Variants in XG observed in about 807,000 individuals in gnomAD.
XG encodes glycoprotein Xg.
A neutral mutation model predicts 25.7 loss-of-function variants in XG; 24 were observed. The ratio of observed to expected loss-of-function variants is 0.93; its 90% CI spans 0.68 to 1.31. The LOEUF is 1.31. XG is among the 40% of genes most tolerant of loss of function. XG has a pLI of 0.00. For synonymous variants in XG, 77 were observed against 69.2 expected, an observed-to-expected ratio of 1.11 and a Z score of -0.56; for missense variants, 181 against 187.6, an observed-to-expected ratio of 0.96 and a Z score of 0.21.
intron 1 of XG, among the ~76,000 whole-genome samples, chrX:2,762,113 A>T (rs1169095469): frequency 1.3e-5 from 2 of 152,154 alleles, no homozygotes; most frequent in African/African-American, 4.8e-5. Flanking sequence ...TTTATAACAC[A>T]CCGTCAACCA....
intron 3 of XG, 98 bp downstream of exon 3, chrX:2,774,837 A>G: frequency 6.9e-7 from 1 of 1,459,760 alleles, no homozygotes; most frequent in Non-Finnish European, 9.6e-7. Context: ...TGTGGGGTAT[A>G]TGAAAGAGAT....
At chrX:2,766,590 A>C in intron 1 of XG, among the ~76,000 whole-genome samples, 2 of 111,620 alleles carry the variant, frequency 1.8e-5, no homozygotes, top group African/African-American at 3.6e-5. Context: ...TTCAAGACAG[A>C]TTCTTGCTCT....
intron 7 of XG, among the ~76,000 whole-genome samples, chrX:2,806,347 T>A (rs577685628): frequency 2.1e-3 from 235 of 111,826 alleles, no homozygotes; most frequent in Middle Eastern, 4.6e-3. Context: ...CTCTTTTTTT[T>A]TAAAATTTTA....
chrX:2,772,262 G>A (rs1319513773), intron 2 of XG, among the ~76,000 whole-genome samples: 3 of 152,098 alleles, frequency 2.0e-5, no homozygotes, highest in Non-Finnish European at 4.4e-5. Context: ...AGTTATTTGT[G>A]TACCCATGTT....
At position 2,795,671 on chromosome X, in the gene XG, T is replaced by A. The variant is rs311178; in HGVS notation, c.322+1068T>A. On this transcript the variant is annotated intron_variant, in intron 6 of 10. Transcript: ENST00000644266. The stretch of plus-strand genomic sequence containing the variant: ...ACATATCTTTTGTATTTATTTATTT[T>A]TTTTTGAGACGGAGTCTCGCTCTGT... Among the ~76,000 whole-genome samples, 1,056 of 110,803 alleles carry A rather than the reference T, an allele frequency of 9.5e-3. 15 individuals are homozygous for A. The highest frequency in any genetic ancestry group is 0.033 in the African/African-American group (996 of 30,646).
intron 3 of XG, among the ~76,000 whole-genome samples, chrX:2,776,370 T>C (rs140456776): frequency 0.012 from 1,783 of 151,750 alleles, 4 homozygotes; most frequent in African/African-American, 0.041. Flanking sequence ...TTAAGACTAT[T>C]ACAAGGTGAT....
At chrX:2,760,458 G>A (rs1185787968) in intron 1 of XG, among the ~76,000 whole-genome samples, 4 of 151,492 alleles carry the variant, frequency 2.6e-5, no homozygotes, top group Non-Finnish European at 5.9e-5. Flanking sequence ...GATTCAGGCT[G>A]GGTGCGGTGG....
At chrX:2,797,010 C>T in intron 6 of XG, among the ~76,000 whole-genome samples, 1 of 112,011 alleles carries the variant, frequency 8.9e-6, no homozygotes, top group Middle Eastern at 4.6e-3. Context: ...AGTTTCTCGG[C>T]AGGAAGCGGG....
intron 9 of XG, among the ~76,000 whole-genome samples, chrX:2,810,407 T>A (rs2087043323): frequency 9.0e-6 from 1 of 110,721 alleles, no homozygotes; most frequent in Non-Finnish European, 1.9e-5. Flanking sequence ...TGTGCTTGGG[T>A]CTAGAGTTCC....
intron 4 of XG, among the ~76,000 whole-genome samples, chrX:2,784,426 T>C (rs1259778443): frequency 9.1e-6 from 1 of 109,987 alleles, no homozygotes; most frequent in Admixed American, 9.8e-5. Flanking sequence ...CTACTAAAAA[T>C]ACAAAAATTA....
At chrX:2,809,765 A>T (rs1250545643) in intron 9 of XG, among the ~76,000 whole-genome samples, 1 of 111,439 alleles carries the variant, frequency 9.0e-6, no homozygotes, top group African/African-American at 3.3e-5. Context: ...GGGTCTTCTT[A>T]TGTATCTGGG....
At chrX:2,813,007 G>A (rs775667795) in intron 10 of XG, among the ~76,000 whole-genome samples, 1 of 112,005 alleles carries the variant, frequency 8.9e-6, no homozygotes, top group South Asian at 3.8e-4. Context: ...TTGGAATGGG[G>A]GCCAGTTGAG....
In XG at chrX:2,814,647, G is replaced by C. The variant is rs779457734; in HGVS notation, c.*267G>C. The C allele has an allele frequency of 5.6e-5, 18 of 323,482 alleles. No homozygotes were observed. The highest frequency in any genetic ancestry group is 8.4e-5 in the Non-Finnish European group (16 of 189,453). The allele number at this position is 323,482 out of a possible 1,213,427, so 26.7% of individuals were successfully genotyped here. A position where few individuals can be genotyped will look rare whatever the true frequency, so the allele number is the denominator to read the frequency against. ...GTTTGGCTATTCATTTGCACAAAGA[G>C]ACTGTGGCTCTCTGTTGTGAGATCT... On this transcript the variant is annotated 3_prime_UTR_variant, in exon 11 of 11. Transcript: ENST00000644266.
chrX:2,765,039 TCCAAAAA>T (rs2050646023), intron 1 of XG, among the ~76,000 whole-genome samples: 5 of 23,904 alleles, frequency 2.1e-4, no homozygotes, highest in South Asian at 2.8e-3. Context: ...AGATTCTTTA[TCCAAAAA>T]AAAAAAAAAA....
chrX:2,797,326 C>G lies in XG; in HGVS notation c.339C>G (p.Gly113=), dbSNP rs768016709. Residue 113 remains glycine, a synonymous_variant, in exon 7 of 11, where the codon GGC becomes GGG. Transcript: ENST00000644266. ...PRPPAGGGGG[G]YSSYGNSDNT... is the part of the protein sequence containing the mutation. Reference sequence around the variant, plus strand: ...GTCTAACAGGAGGTGGCGGCGGTGGCTACTCCAGTTATGGCAACTCCGACA... The same window carrying G: ...GTCTAACAGGAGGTGGCGGCGGTGGGTACTCCAGTTATGGCAACTCCGACA... 36 of 1,207,173 alleles carry G rather than the reference C, an allele frequency of 3.0e-5. No homozygotes were observed. Among genetic ancestry groups the G allele is most frequent in the Non-Finnish European group, 3.7e-5 (33 of 893,996 alleles).
chrX:2,798,065 A>G (rs1476418719), intron 7 of XG, among the ~76,000 whole-genome samples: 1 of 111,193 alleles, frequency 9.0e-6, no homozygotes, highest in East Asian at 2.8e-4. Flanking sequence ...AAAGAAAAGA[A>G]AAGAAAAGAA....
At chrX:2,780,144 C>T (rs1049409572) in intron 3 of XG, among the ~76,000 whole-genome samples, 5 of 151,208 alleles carry the variant, frequency 3.3e-5, no homozygotes, top group Non-Finnish European at 7.4e-5. Flanking sequence ...AGAGCACAAA[C>T]TGTGTATAGA....
chrX:2,805,509 C>T (rs7889852), intron 7 of XG, among the ~76,000 whole-genome samples: 6,088 of 98,288 alleles, frequency 0.062, 405 homozygotes, highest in African/African-American at 0.2. Flanking sequence ...AATCTCCTCT[C>T]CTTATGAGGT....
chrX:2,801,796 C>T (rs1407380940), intron 7 of XG, among the ~76,000 whole-genome samples: 1 of 110,972 alleles, frequency 9.0e-6, no homozygotes, highest in African/African-American at 3.3e-5. Context: ...GCAAGCTCCG[C>T]CTCCCGGGTT....
Sources: allele counts gnomAD v4.1 joint callset (sites outside exome capture counted in the v4.1 genomes callset), GRCh38; gene constraint gnomAD v4.1.1; transcripts MANE v1.5; gene names NCBI Gene and HGNC (gene_info 2026-07-23, HGNC 2026-07-21).